Variants in WDPCP observed in about 807,000 individuals in gnomAD.
WDPCP encodes WD repeat-containing and planar cell polarity effector protein fritz homolog.
A neutral mutation model predicts 93.1 loss-of-function variants in WDPCP; 71 were observed. That is an observed-to-expected ratio of 0.76 (90% CI 0.63 to 0.93). The LOEUF (loss-of-function observed/expected upper bound fraction) is 0.93. Ranked by LOEUF, WDPCP falls within the 40% of genes least tolerant of loss-of-function variation. The pLI is 0.00. For missense variants in WDPCP, 844 were observed against 887.4 expected, an observed-to-expected ratio of 0.95 and a Z score of 0.62; for synonymous variants, 315 against 315.0, an observed-to-expected ratio of 1.00 and a Z score of 0.00.
intron 15 of WDPCP, among the ~76,000 whole-genome samples, chr2:63,156,926 G>A (rs1158666379): frequency 1.3e-5 from 2 of 151,804 alleles, no homozygotes; most frequent in Non-Finnish European, 2.9e-5. Flanking sequence ...TCCAATCTTA[G>A]GAGGAGAACA....
intron 14 of WDPCP, among the ~76,000 whole-genome samples, chr2:63,241,575 T>C (rs1679862338): frequency 6.6e-6 from 1 of 152,156 alleles, no homozygotes; most frequent in South Asian, 2.1e-4. Context: ...TTTTTATATA[T>C]GTTTACAATG....
chr2:63,457,196 A>G (rs2105714597), intron 6 of WDPCP, among the ~76,000 whole-genome samples: 1 of 152,354 alleles, frequency 6.6e-6, no homozygotes, highest in South Asian at 2.1e-4. Context: ...ACTAAGAGGT[A>G]CAATTATATG....
intron 9 of WDPCP, among the ~76,000 whole-genome samples, chr2:63,432,740 C>T (rs1184967486): frequency 2.6e-5 from 4 of 152,084 alleles, no homozygotes; most frequent in African/African-American, 9.7e-5. Flanking sequence ...CAGATCTGTG[C>T]TTCAGGATCC....
intron 14 of WDPCP, among the ~76,000 whole-genome samples, chr2:63,233,953 G>A (rs1679152889): frequency 6.6e-6 from 1 of 152,126 alleles, no homozygotes; most frequent in South Asian, 2.1e-4. Flanking sequence ...TGTAGATTCA[G>A]CATAGTATTA....
chr2:63,672,495 A>G (rs1228930363), intron 2 of WDPCP, among the ~76,000 whole-genome samples: 1 of 152,200 alleles, frequency 6.6e-6, no homozygotes, highest in African/African-American at 2.4e-5. Flanking sequence ...GAAAATTTCC[A>G]ACAATATAAA....
intron 1 of WDPCP, among the ~76,000 whole-genome samples, chr2:63,520,268 T>C (rs1702830294): frequency 6.6e-6 from 1 of 152,146 alleles, no homozygotes; most frequent in South Asian, 2.1e-4. Flanking sequence ...CTCACTGGCA[T>C]CTCTGAAAGG....
chr2:63,461,619 AG>A (rs1330002176), intron 6 of WDPCP, among the ~76,000 whole-genome samples: 1 of 152,198 alleles, frequency 6.6e-6, no homozygotes, highest in African/African-American at 2.4e-5. Context: ...ATTAAAAAAG[AG>A]TGCAGTAAGG....
intron 2 of WDPCP, among the ~76,000 whole-genome samples, chr2:63,657,222 T>TTTTG (rs1710178362): frequency 6.7e-6 from 1 of 149,204 alleles, no homozygotes. Context: ...TTTTTTTTTT[T>TTTTG]GCGACGGAGT....
chr2:63,680,134 C>A (rs560632254), intron 2 of WDPCP, among the ~76,000 whole-genome samples: 4 of 152,170 alleles, frequency 2.6e-5, no homozygotes, highest in South Asian at 2.1e-4. Context: ...TAAATAGAAG[C>A]CTTCACTGAT....
intron 13 of WDPCP, among the ~76,000 whole-genome samples, chr2:63,292,264 C>T (rs532183096): frequency 6.6e-5 from 10 of 151,410 alleles, no homozygotes; most frequent in Non-Finnish European, 1.3e-4. Flanking sequence ...TTAAAAAGAC[C>T]ACAAAATAAC....
At chr2:63,638,577 G>A (rs1709947042) in intron 3 of WDPCP, among the ~76,000 whole-genome samples, 1 of 152,102 alleles carries the variant, frequency 6.6e-6, no homozygotes, top group African/African-American at 2.4e-5. Flanking sequence ...ATTGCTTGAG[G>A]CCTGGATTAT....
At position 63,356,537 on chromosome 2, in the gene WDPCP, C is replaced by T. The variant is rs567254165; in HGVS notation, c.1748+21849G>A. Among the ~76,000 whole-genome samples, 4 of 152,194 alleles carry T rather than the reference C, an allele frequency of 2.6e-5. No homozygotes were observed. The East Asian group carries it at 7.7e-4, about 29-fold the overall frequency. ...CAACCACATAATTGAACATAATCCT[C>T]AAAAAATGTAAAAAAACTGAAAGCA... On this transcript the variant is annotated intron_variant, in intron 12 of 17. Transcript: ENST00000272321.
At chr2:63,603,517 C>T (rs1463094056) in intron 3 of WDPCP, among the ~76,000 whole-genome samples, 1 of 152,040 alleles carries the variant, frequency 6.6e-6, no homozygotes, top group East Asian at 1.9e-4. Flanking sequence ...TTCCACATTC[C>T]CTTCTGGTTC....
At chr2:63,430,828 G>A (rs1033096484) in intron 9 of WDPCP, among the ~76,000 whole-genome samples, 3 of 152,216 alleles carry the variant, frequency 2.0e-5, no homozygotes, top group African/African-American at 7.2e-5. Flanking sequence ...ATTGCAGTGA[G>A]CTGAGATTGC....
intron 9 of WDPCP, among the ~76,000 whole-genome samples, chr2:63,411,500 A>T (rs1695020944): frequency 6.6e-6 from 1 of 152,066 alleles, no homozygotes; most frequent in African/African-American, 2.4e-5. Flanking sequence ...CCAAACCCAA[A>T]CCCAGCAGAA....
chr2:63,264,468 C>T (rs906919709), intron 13 of WDPCP, among the ~76,000 whole-genome samples: 1 of 152,060 alleles, frequency 6.6e-6, no homozygotes, highest in Non-Finnish European at 1.5e-5. Context: ...TGAAACCCCA[C>T]TATGAAAAGA....
At chr2:63,475,233 T>C (rs1699910352) in intron 6 of WDPCP, among the ~76,000 whole-genome samples, 1 of 152,124 alleles carries the variant, frequency 6.6e-6, no homozygotes, top group South Asian at 2.1e-4. Flanking sequence ...CAGACTACCT[T>C]TCTAGCCCTT....
chr2:63,188,746 T>C (rs1674821128), intron 14 of WDPCP, among the ~76,000 whole-genome samples: 2 of 152,326 alleles, frequency 1.3e-5, no homozygotes, highest in South Asian at 4.1e-4. Context: ...ATCATCTTTA[T>C]GAGAGTTATT....
rs1694377016 is a variant in WDPCP, at chr2:63,404,238, C to G, written c.1245G>C (p.Leu415=). The G allele has an allele frequency of 6.2e-7, 1 of 1,613,636 alleles. No individual in the cohort carries two copies. Among genetic ancestry groups the G allele is most frequent in the Non-Finnish European group, 8.5e-7 (1 of 1,179,688 alleles). ...DMALSPINIQ[L]LAEDRLPRET... ...CCCTGGGTAAGCGGTCTTCAGCCAA[C>G]AGTTGGATGTTAATAGGGGATAGAG... The change falls in exon 10 of 18, where the codon CTG becomes CTC. Residue 415 remains leucine, a synonymous_variant. Transcript: ENST00000272321.
Sources: gnomAD v4.1 joint callset for allele counts (sites outside exome capture counted in the v4.1 genomes callset) on GRCh38, gnomAD v4.1.1 for gene constraint, MANE v1.5 for transcripts, NCBI Gene and HGNC (gene_info 2026-07-23, HGNC 2026-07-21) for gene names.